Variants in UNC5B observed in about 807,000 individuals in gnomAD.
UNC5B encodes the protein unc-5 netrin receptor B.
UNC5B carries 56 observed loss-of-function variants against 103.7 expected under a neutral mutation model. The observed-to-expected ratio is 0.54, with a 90% CI of 0.44 to 0.67. The LOEUF (loss-of-function observed/expected upper bound fraction) is 0.67. UNC5B is among the 30% of genes least tolerant of loss of function. The pLI, the probability that UNC5B is intolerant of heterozygous loss-of-function variation, is 0.00. For missense variants in UNC5B, 1,194 were observed against 1,284.5 expected, an observed-to-expected ratio of 0.93 and a Z score of 1.08; for synonymous variants, 577 against 542.0, an observed-to-expected ratio of 1.06 and a Z score of -0.90.
intron 1 of UNC5B, among the ~76,000 whole-genome samples, chr10:71,240,919 C>A (rs1015731335): frequency 6.6e-6 from 1 of 152,236 alleles, no homozygotes; most frequent in Admixed American, 6.5e-5. Flanking sequence ...AGGGCAAGTT[C>A]AGGATGGCCT....
At chr10:71,270,234 C>T (rs1844610600) in intron 1 of UNC5B, among the ~76,000 whole-genome samples, 1 of 151,838 alleles carries the variant, frequency 6.6e-6, no homozygotes, top group Non-Finnish European at 1.5e-5. Flanking sequence ...CCTGTAATCT[C>T]AGATACTTGG....
chr10:71,295,939 C>A lies in UNC5B; in HGVS notation c.2304C>A (p.Ser768Arg), dbSNP rs1355411770. ...ACCTCCCCCATGCCCATTGGAGGAG[C>A]AAGCTGCTGGCCAAATACCAGGTGA... ...LHDLPHAHWR[S>R]KLLAKYQEIP... Residue 768 changes from serine to arginine, a missense_variant, in exon 14 of 17, where the codon AGC becomes AGA. Coordinates refer to ENST00000335350, the MANE Select transcript of UNC5B (RefSeq NM_170744.5). The A allele has an allele frequency of 1.2e-6, 2 of 1,613,104 alleles. No homozygotes were observed. The highest frequency in any genetic ancestry group is 1.7e-6 in the Non-Finnish European group (2 of 1,180,006).
At chr10:71,221,335 G>T (rs1459774779) in intron 1 of UNC5B, among the ~76,000 whole-genome samples, 1 of 152,184 alleles carries the variant, frequency 6.6e-6, no homozygotes, top group Non-Finnish European at 1.5e-5. Context: ...CCCCCCCCTT[G>T]TCACCCACTC....
chr10:71,302,589 C>T lies in UNC5B; in HGVS notation c.*3312C>T, dbSNP rs1845605117. On this transcript the variant is annotated 3_prime_UTR_variant, in exon 17 of 17. Coordinates refer to ENST00000335350, the MANE Select transcript of UNC5B (RefSeq NM_170744.5). ...TGGACCCTCCAGGGCACTCTGGTCC[C>T]TATTCCCCAGCTCCTAGGCAGCTGA... 1 of 152,146 alleles carries T rather than the reference C, an allele frequency of 6.6e-6. No individual in the cohort carries two copies. Among genetic ancestry groups the T allele is most frequent in the African/African-American group, 2.4e-5 (1 of 41,416 alleles). The allele number at this position is 152,146 out of a possible 1,614,324, so 9.4% of individuals were successfully genotyped here.
At chr10:71,281,988 G>C (rs1844941993) in intron 2 of UNC5B, among the ~76,000 whole-genome samples, 1 of 152,194 alleles carries the variant, frequency 6.6e-6, no homozygotes, top group Non-Finnish European at 1.5e-5. Flanking sequence ...CAAGGCGAGG[G>C]AACAGTGTGC....
chr10:71,244,779 T>C (rs1843985795), intron 1 of UNC5B, among the ~76,000 whole-genome samples: 1 of 152,216 alleles, frequency 6.6e-6, no homozygotes, highest in Non-Finnish European at 1.5e-5. Flanking sequence ...ACACCCTGTG[T>C]GCATGCATGC....
chr10:71,260,919 C>A (rs1564721323), intron 1 of UNC5B, among the ~76,000 whole-genome samples: 1 of 152,232 alleles, frequency 6.6e-6, no homozygotes, highest in African/African-American at 2.4e-5. Flanking sequence ...TGCTGTTGCG[C>A]TGGGACACCT....
At chr10:71,242,413 C>A (rs979475112) in intron 1 of UNC5B, among the ~76,000 whole-genome samples, 2 of 152,304 alleles carry the variant, frequency 1.3e-5, no homozygotes, top group East Asian at 3.9e-4. Flanking sequence ...GAGAGGAGAG[C>A]CTGGCGTGGG....
rs755219084 is a variant in UNC5B, at chr10:71,293,943, G to T, written c.2175+10G>T. The T allele has an allele frequency of 6.3e-6, 10 of 1,581,342 alleles. No individual in the cohort carries two copies. The highest frequency in any genetic ancestry group is 8.6e-6 in the Non-Finnish European group (10 of 1,168,098). On this transcript the variant is annotated intron_variant, in intron 13 of 16. Coordinates refer to ENST00000335350, the MANE Select transcript of UNC5B (RefSeq NM_170744.5). Reference sequence around the variant, plus strand: ...GCCTGTAGCACTGAAGGTAGGGCCAGCTGCAGGTGCCCACACAGCCCTGGC... The same window carrying T: ...GCCTGTAGCACTGAAGGTAGGGCCATCTGCAGGTGCCCACACAGCCCTGGC...
At chr10:71,294,528 G>A (rs937619697) in intron 13 of UNC5B, among the ~76,000 whole-genome samples, 2 of 152,036 alleles carry the variant, frequency 1.3e-5, no homozygotes, top group Non-Finnish European at 2.9e-5. Context: ...GAGGTGGAGA[G>A]GCCTGTTGGG....
intron 1 of UNC5B, among the ~76,000 whole-genome samples, chr10:71,236,766 G>A (rs1429103367): frequency 6.6e-6 from 1 of 152,182 alleles, no homozygotes; most frequent in Non-Finnish European, 1.5e-5. Context: ...AGAATGGATG[G>A]GGAGGTCCAG....
chr10:71,253,818 G>A lies in UNC5B; in HGVS notation c.80-26003G>A, dbSNP rs185735169. ...GTCAGTAGGGGAGCAGGGGTCCGCA[G>A]GACACTAGGAAAGCTGGTTCACGCA... is the stretch of plus-strand genomic sequence containing the variant. On this transcript the variant is annotated intron_variant, in intron 1 of 16. Transcript: ENST00000335350. Among the ~76,000 whole-genome samples, 9 of 152,248 alleles carry A rather than the reference G, an allele frequency of 5.9e-5. No individual in the cohort carries two copies. The East Asian group carries it at 7.7e-4, about 13-fold the overall frequency.
At chr10:71,284,367 T>G (rs1386609260) in intron 2 of UNC5B, among the ~76,000 whole-genome samples, 1 of 152,066 alleles carries the variant, frequency 6.6e-6, no homozygotes, top group Non-Finnish European at 1.5e-5. Flanking sequence ...GGATGCACAG[T>G]GCAGCTCAGA....
At chr10:71,255,554 T>C (rs1404948270) in intron 1 of UNC5B, among the ~76,000 whole-genome samples, 1 of 152,208 alleles carries the variant, frequency 6.6e-6, no homozygotes, top group Admixed American at 6.5e-5. Flanking sequence ...ACCCCCGGGC[T>C]TTAGGGACAG....
At chr10:71,285,057 T>G (rs1273992368) in intron 3 of UNC5B, among the ~76,000 whole-genome samples, 194 bp downstream of exon 3, 1 of 152,208 alleles carries the variant, frequency 6.6e-6, no homozygotes, top group Non-Finnish European at 1.5e-5. Context: ...TCTTTTCATC[T>G]ACTTCTGTAT....
chr10:71,222,202 G>A (rs775124206), intron 1 of UNC5B, among the ~76,000 whole-genome samples: 6 of 152,266 alleles, frequency 3.9e-5, no homozygotes, highest in East Asian at 1.9e-4. Context: ...GGATGTGTAC[G>A]TGAAGGTATG....
chr10:71,255,970 C>T (rs769109828), intron 1 of UNC5B, among the ~76,000 whole-genome samples: 10 of 152,360 alleles, frequency 6.6e-5, no homozygotes, highest in Admixed American at 3.3e-4. Flanking sequence ...TTGAGTCATA[C>T]GCCCTGGCAG....
rs934628258 is a variant in UNC5B, at chr10:71,213,639, C to T, written c.79+575C>T. ...GGAGGGCTAAGTCTTGCACACATAG[C>T]TTTCCCCGAGATCGCTGGGCCCGCA... On this transcript the variant is annotated intron_variant, in intron 1 of 16. Transcript: ENST00000335350. The surrounding 1 kb of genome is among the most constrained non-coding windows in gnomAD (Gnocchi z 4.1). 2.0e-5 allele frequency among the ~76,000 whole-genome samples: 3 copies of T among 151,446 alleles called. No individual in the cohort carries two copies. Among genetic ancestry groups the T allele is most frequent in the African/African-American group, 7.3e-5 (3 of 41,124 alleles).
intron 1 of UNC5B, among the ~76,000 whole-genome samples, chr10:71,270,467 C>G (rs1376189885): frequency 6.6e-6 from 1 of 152,036 alleles, no homozygotes; most frequent in African/African-American, 2.4e-5. Context: ...ACAGAGAAGC[C>G]GCAGGAGGCT....
Sources: gnomAD v4.1 joint callset for allele counts (sites outside exome capture counted in the v4.1 genomes callset) on GRCh38, gnomAD v4.1.1 for gene constraint, Gnocchi (gnomAD v3.1) non-coding constraint, MANE v1.5 for transcripts, NCBI Gene and HGNC (gene_info 2026-07-23, HGNC 2026-07-21) for gene names.